SCAI: variants seen among roughly 807,000 people sequenced by gnomAD.
SCAI encodes suppressor of cancer cell invasion, also known as protein SCAI.
A neutral mutation model predicts 92.2 loss-of-function variants in SCAI; 24 were observed. The observed-to-expected ratio is 0.26, with a 90% CI of 0.19 to 0.37. The LOEUF is 0.37. SCAI is among the 10% of genes least tolerant of loss of function. The pLI, the probability that SCAI is intolerant of heterozygous loss-of-function variation, is 1.00. For missense variants in SCAI, 450 were observed against 736.2 expected (o/e 0.61, Z 4.50); for synonymous variants, 261 against 258.6 (o/e 1.01, Z -0.09).
At chr9:125,058,447 G>A (rs144917628) in intron 2 of SCAI, among the ~76,000 whole-genome samples, 69 of 152,244 alleles carry the variant, frequency 4.5e-4, no homozygotes, top group African/African-American at 1.3e-3. Context: ...CCCGGGAGGC[G>A]GAGGTTGAGG....
At chr9:125,140,872 A>G (rs965773226) in intron 2 of SCAI, among the ~76,000 whole-genome samples, 1 of 151,868 alleles carries the variant, frequency 6.6e-6, no homozygotes, top group African/African-American at 2.4e-5. Context: ...AAAAAAAAAA[A>G]GTATTTACTC....
intron 2 of SCAI, among the ~76,000 whole-genome samples, chr9:125,083,887 C>T (rs1410159654): frequency 6.6e-6 from 1 of 151,952 alleles, no homozygotes; most frequent in East Asian, 1.9e-4. Flanking sequence ...GAAAAAAGTA[C>T]AGCAGGAAGG....
chr9:124,991,614 G>A lies in SCAI; in HGVS notation c.1326+3320C>T, dbSNP rs377735069. Among the ~76,000 whole-genome samples, 129 of 151,846 alleles carry A rather than the reference G, an allele frequency of 8.5e-4. No homozygotes were observed. The Middle Eastern group carries it at 0.014, about 16-fold the overall frequency. On this transcript the variant is annotated intron_variant, in intron 14 of 17. Coordinates refer to ENST00000336505, the MANE Select transcript of SCAI (RefSeq NM_001144877.3). ...AGCACTTCGGGAGGCTGAGGTGGGCGGATCACGAGGTCAGGAGTTCAAGAC... is the reference window on the plus strand; with the variant it reads ...AGCACTTCGGGAGGCTGAGGTGGGCAGATCACGAGGTCAGGAGTTCAAGAC...
At chr9:125,071,325 G>A (rs996433670) in intron 2 of SCAI, among the ~76,000 whole-genome samples, 1 of 152,284 alleles carries the variant, frequency 6.6e-6, no homozygotes, top group East Asian at 1.9e-4. Flanking sequence ...CTTGAGCCCA[G>A]GAGTTCTAGG....
intron 17 of SCAI, among the ~76,000 whole-genome samples, chr9:124,966,897 G>C (rs950135754): frequency 3.5e-5 from 5 of 144,594 alleles, no homozygotes; most frequent in African/African-American, 1.3e-4. Flanking sequence ...ATAGGTATAT[G>C]CCACTTCTCC....
intron 2 of SCAI, among the ~76,000 whole-genome samples, chr9:125,103,285 CTAA>C (rs1834714939): frequency 6.6e-6 from 1 of 152,164 alleles, no homozygotes; most frequent in African/African-American, 2.4e-5. Context: ...TCTGCATCCA[CTAA>C]CACAGGTAGT....
intron 12 of SCAI, among the ~76,000 whole-genome samples, chr9:125,001,581 A>G (rs1263139611): frequency 6.6e-6 from 1 of 152,218 alleles, no homozygotes. Flanking sequence ...GGATTCCCCA[A>G]TGCACTGAAA....
At chr9:125,072,951 G>C (rs1834006178) in intron 2 of SCAI, among the ~76,000 whole-genome samples, 1 of 151,960 alleles carries the variant, frequency 6.6e-6, no homozygotes, top group Admixed American at 6.6e-5. Context: ...GGACACATGG[G>C]TTGCTGCCAT....
At chr9:125,134,919 G>A (rs900571368) in intron 2 of SCAI, among the ~76,000 whole-genome samples, 7 of 151,732 alleles carry the variant, frequency 4.6e-5, no homozygotes, top group African/African-American at 1.5e-4. Flanking sequence ...TAGGTGATCC[G>A]CCCGCCTCAG....
At chr9:125,138,044 G>A (rs541477975) in intron 2 of SCAI, among the ~76,000 whole-genome samples, 61 of 152,180 alleles carry the variant, frequency 4.0e-4, no homozygotes, top group South Asian at 1.5e-3. Context: ...AGGACTTTCC[G>A]GTCCATGCAC....
At chr9:125,123,570 A>G (rs1835202902) in intron 2 of SCAI, among the ~76,000 whole-genome samples, 1 of 152,160 alleles carries the variant, frequency 6.6e-6, no homozygotes, top group Non-Finnish European at 1.5e-5. Context: ...AGGTCAGGAG[A>G]TCGAGAACAT....
chr9:125,024,873 A>G lies in SCAI; in HGVS notation c.512+1939T>C, dbSNP rs372406267. On this transcript the variant is annotated intron_variant, in intron 6 of 17. Coordinates refer to ENST00000336505, the MANE Select transcript of SCAI (RefSeq NM_001144877.3). ...CTCCTAGGTAGGATGGACCCATGGA[A>G]TGAGATGTTCTGGGAGTGGTCTATG... is the stretch of plus-strand genomic sequence containing the variant. 2.8e-4 allele frequency among the ~76,000 whole-genome samples: 42 copies of G among 152,262 alleles called. No homozygotes were observed. The East Asian group carries it at 6.2e-3, about 22-fold the overall frequency.
At chr9:125,048,808 T>C (rs562514001) in intron 3 of SCAI, among the ~76,000 whole-genome samples, 74 of 152,208 alleles carry the variant, frequency 4.9e-4, no homozygotes, top group African/African-American at 1.7e-3. Context: ...GGCAATGGCG[T>C]GATCTCGGCT....
At chr9:125,026,717 A>G in intron 6 of SCAI, 95 bp downstream of exon 6, 1 of 662,740 alleles carries the variant, frequency 1.5e-6, no homozygotes, top group East Asian at 2.6e-5. Context: ...AAACGAGTAC[A>G]CGTTATAAAA....
At chr9:125,005,125 T>C (rs1012521267) in intron 9 of SCAI, among the ~76,000 whole-genome samples, 2 of 151,804 alleles carry the variant, frequency 1.3e-5, no homozygotes, top group African/African-American at 4.8e-5. Context: ...TCCATACATT[T>C]TGGCACTACA....
At chr9:125,087,168 AAC>A (rs1397617398) in intron 2 of SCAI, among the ~76,000 whole-genome samples, 1 of 152,250 alleles carries the variant, frequency 6.6e-6, no homozygotes, top group Non-Finnish European at 1.5e-5. Flanking sequence ...ATCAAATGTT[AAC>A]ATCTGACTTA....
intron 17 of SCAI, among the ~76,000 whole-genome samples, chr9:124,955,166 TAAAA>T (rs58659477): frequency 2.1e-4 from 23 of 111,258 alleles, no homozygotes; most frequent in African/African-American, 7.8e-4. Flanking sequence ...AGACTCCGTC[TAAAA>T]AAAAAAAAAA....
chr9:125,082,191 G>A (rs564644173), intron 2 of SCAI, among the ~76,000 whole-genome samples: 2 of 152,290 alleles, frequency 1.3e-5, no homozygotes, highest in African/African-American at 4.8e-5. Context: ...CCCCAGCCAT[G>A]ACTAAAAGGG....
chr9:125,029,086 C>T (rs1833019986), intron 4 of SCAI, among the ~76,000 whole-genome samples: 1 of 152,162 alleles, frequency 6.6e-6, no homozygotes, highest in Non-Finnish European at 1.5e-5. Context: ...ACAGGAGCCA[C>T]TGCACCCAGC....
Sources: gnomAD v4.1 joint callset for allele counts (sites outside exome capture counted in the v4.1 genomes callset) on GRCh38, gnomAD v4.1.1 for gene constraint, MANE v1.5 for transcripts, NCBI Gene and HGNC (gene_info 2026-07-23, HGNC 2026-07-21) for gene names.